SDCCAG8: variants seen among roughly 807,000 people sequenced by gnomAD.
SDCCAG8 encodes the protein SHH signaling and ciliogenesis regulator SDCCAG8, also known as serologically defined colon cancer antigen 8.
A neutral mutation model predicts 101.8 loss-of-function variants in SDCCAG8; 74 were observed. The ratio of observed to expected loss-of-function variants is 0.73; its 90% CI spans 0.60 to 0.88. SDCCAG8 has a LOEUF of 0.88. Ranked by LOEUF, SDCCAG8 falls within the 40% of genes least tolerant of loss-of-function variation. The pLI is 0.00. For missense variants in SDCCAG8, 787 were observed against 822.6 expected (o/e 0.96, Z 0.53); for synonymous variants, 281 against 292.9 (o/e 0.96, Z 0.41).
chr1:243,458,936 A>G lies in SDCCAG8; in HGVS notation c.1986-30078A>G, dbSNP rs1331448224. Among the ~76,000 whole-genome samples, 1 of 152,010 alleles carries G rather than the reference A, an allele frequency of 6.6e-6. No homozygotes were observed. Among genetic ancestry groups the G allele is most frequent in the Non-Finnish European group, 1.5e-5 (1 of 68,014 alleles). On this transcript the variant is annotated intron_variant, in intron 16 of 17. Transcript: ENST00000366541. The surrounding 1 kb of genome is among the most constrained non-coding windows in gnomAD (Gnocchi z 4.5). ...TTGCATGAATATCTCTATGTGGGAA[A>G]TTCTTGTGTTCTGATAGATGGAGAA...
At chr1:243,434,886 G>A (rs185252646) in intron 16 of SDCCAG8, among the ~76,000 whole-genome samples, 26 of 152,294 alleles carry the variant, frequency 1.7e-4, no homozygotes, top group Non-Finnish European at 3.4e-4. Context: ...GGACAAGGCA[G>A]CTGCTATAAC....
intron 1 of SDCCAG8, among the ~76,000 whole-genome samples, chr1:243,264,048 C>T (rs2067392874): frequency 6.6e-6 from 1 of 152,246 alleles, no homozygotes; most frequent in Admixed American, 6.5e-5. Context: ...ATATCTCGGC[C>T]TCGGGAGGAA....
chr1:243,480,702 T>G (rs1170118705), intron 16 of SDCCAG8, among the ~76,000 whole-genome samples: 131 of 23,418 alleles, frequency 5.6e-3, no homozygotes, highest in Non-Finnish European at 6.1e-3. Flanking sequence ...ATGGGTGGGA[T>G]GGATGGATGG....
At chr1:243,417,697 G>A (rs2080690304) in intron 14 of SDCCAG8, among the ~76,000 whole-genome samples, 1 of 152,118 alleles carries the variant, frequency 6.6e-6, no homozygotes, top group Non-Finnish European at 1.5e-5. Flanking sequence ...TCCACTTGAG[G>A]TATTTGACAC....
chr1:243,412,455 C>T (rs559658263), intron 13 of SDCCAG8, among the ~76,000 whole-genome samples: 96 of 152,314 alleles, frequency 6.3e-4, no homozygotes, highest in African/African-American at 2.3e-3. Context: ...GGGCCGCATT[C>T]AAAACCATCC....
chr1:243,431,529 C>G (rs2081764775), intron 16 of SDCCAG8, among the ~76,000 whole-genome samples: 1 of 152,066 alleles, frequency 6.6e-6, no homozygotes. Context: ...ATTTAATGTT[C>G]AAATGATGGT....
intron 17 of SDCCAG8, among the ~76,000 whole-genome samples, chr1:243,497,251 A>G (rs1668163573): frequency 2.0e-5 from 3 of 150,672 alleles, no homozygotes; most frequent in Admixed American, 1.3e-4. Context: ...GGAGGCGACA[A>G]AACGGTGACC....
At chr1:243,264,313 C>G (rs1452524849) in intron 1 of SDCCAG8, among the ~76,000 whole-genome samples, 2 of 152,144 alleles carry the variant, frequency 1.3e-5, no homozygotes, top group African/African-American at 4.8e-5. Context: ...GAAACTCTTA[C>G]TAAGAAAATG....
intron 12 of SDCCAG8, among the ~76,000 whole-genome samples, chr1:243,362,567 A>G (rs2076779513): frequency 6.6e-6 from 1 of 152,258 alleles, no homozygotes; most frequent in East Asian, 1.9e-4. Flanking sequence ...TAGGTCATCT[A>G]TGTTAACCTC....
intron 16 of SDCCAG8, among the ~76,000 whole-genome samples, chr1:243,440,647 T>C (rs2082473750): frequency 6.6e-6 from 1 of 152,182 alleles, no homozygotes; most frequent in Non-Finnish European, 1.5e-5. Context: ...AGGATTGAAA[T>C]CTAGACTCAG....
chr1:243,277,801 A>AG (rs1432162649), intron 4 of SDCCAG8, among the ~76,000 whole-genome samples: 2 of 152,182 alleles, frequency 1.3e-5, no homozygotes, highest in African/African-American at 2.4e-5. Context: ...TCATGTTTGA[A>AG]GGATAGTTGT....
intron 8 of SDCCAG8, among the ~76,000 whole-genome samples, chr1:243,315,525 A>G (rs1305970363): frequency 6.6e-6 from 1 of 152,166 alleles, no homozygotes; most frequent in African/African-American, 2.4e-5. Context: ...TTCTTTTTTA[A>G]ACAAAAAGGG....
chr1:243,460,172 T>C (rs368765067), intron 16 of SDCCAG8, among the ~76,000 whole-genome samples: 3 of 152,242 alleles, frequency 2.0e-5, no homozygotes, highest in Admixed American at 2.0e-4. Flanking sequence ...ATCTATTTAT[T>C]AGAACAATTT....
At chr1:243,446,237 G>A (rs1252210016) in intron 16 of SDCCAG8, among the ~76,000 whole-genome samples, 1 of 152,204 alleles carries the variant, frequency 6.6e-6, no homozygotes, top group African/African-American at 2.4e-5. Flanking sequence ...TAAGAAGAAT[G>A]TGCATTGCAT....
At chr1:243,377,619 A>G (rs959000176) in intron 12 of SDCCAG8, among the ~76,000 whole-genome samples, 6 of 152,130 alleles carry the variant, frequency 3.9e-5, no homozygotes, top group African/African-American at 1.4e-4. Flanking sequence ...TAAATGAATT[A>G]TTTAATTTAT....
At chr1:243,353,991 G>A (rs1166432810) in intron 12 of SDCCAG8, among the ~76,000 whole-genome samples, 3 of 152,150 alleles carry the variant, frequency 2.0e-5, no homozygotes, top group Non-Finnish European at 2.9e-5. Context: ...CTTGATTTGT[G>A]GAGGATTAGC....
In SDCCAG8 at chr1:243,320,384, C is replaced by T. The variant is rs1328698796; in HGVS notation, c.1068+3491C>T. Among the ~76,000 whole-genome samples the T allele has an allele frequency of 3.3e-5, 5 of 152,174 alleles. No homozygotes were observed. The South Asian group carries it at 1.0e-3, about 32-fold the overall frequency. Reference sequence around the variant, plus strand: ...GATCATGTGACTCTGATTTAAAATTCTTCGGTGAATTTTCACTGCCTTCAA... The same window carrying T: ...GATCATGTGACTCTGATTTAAAATTTTTCGGTGAATTTTCACTGCCTTCAA... On this transcript the variant is annotated intron_variant, in intron 9 of 17. Coordinates refer to ENST00000366541, the MANE Select transcript of SDCCAG8 (RefSeq NM_006642.5).
intron 10 of SDCCAG8, among the ~76,000 whole-genome samples, chr1:243,333,742 C>G (rs2149353380): frequency 6.6e-6 from 1 of 152,202 alleles, no homozygotes; most frequent in African/African-American, 2.4e-5. Flanking sequence ...TCTTTGAATT[C>G]ATATTCTTGA....
intron 8 of SDCCAG8, among the ~76,000 whole-genome samples, chr1:243,314,169 C>G (rs551969069): frequency 2.0e-5 from 3 of 152,312 alleles, no homozygotes; most frequent in Middle Eastern, 6.8e-3. Context: ...GCAAGCTTCC[C>G]AGGTGGGCTC....
Sources: allele counts gnomAD v4.1 joint callset (sites outside exome capture counted in the v4.1 genomes callset), GRCh38; gene constraint gnomAD v4.1.1; non-coding constraint Gnocchi (gnomAD v3.1); transcripts MANE v1.5; gene names NCBI Gene and HGNC (gene_info 2026-07-23, HGNC 2026-07-21).